The following MEGF8 variants were observed in gnomAD, a reference collection of about 807,000 sequenced individuals.
MEGF8 encodes multiple EGF like domains 8, also known as multiple epidermal growth factor-like domains protein 8.
Under a neutral mutation model 302.9 loss-of-function variants are expected in MEGF8, and 156 were observed. The ratio of observed to expected loss-of-function variants is 0.52; its 90% CI spans 0.45 to 0.59. The LOEUF is 0.59. MEGF8 is among the 20% of genes least tolerant of loss of function. MEGF8 has a pLI of 0.00. For missense variants in MEGF8, 3,345 were observed against 3,964.5 expected (o/e 0.84, Z 4.20); for synonymous variants, 1,621 against 1,660.5 (o/e 0.98, Z 0.58).
chr19:42,372,171 C>T (rs557895498), intron 41 of MEGF8, among the ~76,000 whole-genome samples: 6 of 152,216 alleles, frequency 3.9e-5, no homozygotes, highest in East Asian at 3.9e-4. Context: ...TGGCTATATC[C>T]GGGTGCTCAC....
intron 2 of MEGF8, 49 bp from the exon 3 acceptor site, chr19:42,333,958 A>G: frequency 8.2e-6 from 13 of 1,576,678 alleles, no homozygotes; most frequent in Non-Finnish European, 1.0e-5. Context: ...CCCTCCCAGG[A>G]CAATCCCCAG....
At chr19:42,367,275 G>A (rs1250544057) in intron 35 of MEGF8, among the ~76,000 whole-genome samples, 1 of 150,732 alleles carries the variant, frequency 6.6e-6, no homozygotes, top group Non-Finnish European at 1.5e-5. Context: ...TCTTTTTCTT[G>A]TCTTTTCTTT....
At position 42,352,465 on chromosome 19, in the gene MEGF8, G is replaced by A. The variant is rs778896597; in HGVS notation, c.3350+9G>A. The A allele has an allele frequency of 3.2e-6, 5 of 1,578,028 alleles. No individual in the cohort carries two copies. The highest frequency in any genetic ancestry group is 2.6e-6 in the Non-Finnish European group (3 of 1,158,088). Reference sequence around the variant, plus strand: ...TCACACTGCAACCGCACGTGAGTGAGGCGGGGGTTGCTATGGAGATGTTGC... The same window carrying A: ...TCACACTGCAACCGCACGTGAGTGAAGCGGGGGTTGCTATGGAGATGTTGC... On this transcript the variant is annotated intron_variant, in intron 19 of 41. Transcript: ENST00000251268. The surrounding 1 kb of genome is among the most constrained non-coding windows in gnomAD (Gnocchi z 4.4).
intron 35 of MEGF8, among the ~76,000 whole-genome samples, chr19:42,366,283 C>T (rs1304972678): frequency 1.3e-5 from 2 of 152,246 alleles, no homozygotes; most frequent in East Asian, 3.9e-4. Flanking sequence ...TCACTGCAGT[C>T]TCCACCTTCC....
At position 42,353,521 on chromosome 19, in the gene MEGF8, A is replaced by G; in HGVS notation, c.3607A>G (p.Thr1203Ala). 2 of 1,609,718 alleles carry G rather than the reference A, an allele frequency of 1.2e-6. No individual in the cohort carries two copies. The highest frequency in any genetic ancestry group is 1.7e-6 in the Non-Finnish European group (2 of 1,178,784). Residue 1203 changes from threonine (T) to alanine (A), a missense_variant, in exon 21 of 42, where the codon ACA becomes GCA. By Grantham distance (58) the Thr-to-Ala change is moderately conservative. Transcript: ENST00000251268. This position sits in a 1 kb window ranked among gnomAD's most constrained non-coding sequence, Gnocchi z 6.1. ...RCRPGSFGNA[T>A]GSRGCRPCQC... ...CCGGCCCGGCAGCTTCGGCAACGCC[A>G]CAGGCTCTAGGGGCTGCCGGCCCTG... is the stretch of plus-strand genomic sequence containing the variant.
chr19:42,367,989 A>C (rs986018033), intron 35 of MEGF8, among the ~76,000 whole-genome samples: 2 of 152,094 alleles, frequency 1.3e-5, no homozygotes, highest in African/African-American at 4.8e-5. Context: ...TGGTGCAGTC[A>C]TGACTCATTG....
intron 35 of MEGF8, 62 bp downstream of exon 35, chr19:42,363,324 G>A (rs1031383054): frequency 2.2e-5 from 30 of 1,393,180 alleles, no homozygotes; most frequent in African/African-American, 1.3e-4. Context: ...TCCTCTCTGC[G>A]CTGGCAGGGA....
intron 31 of MEGF8, among the ~76,000 whole-genome samples, chr19:42,360,272 C>G (rs368338081): frequency 1.3e-5 from 2 of 150,224 alleles, no homozygotes; most frequent in African/African-American, 4.9e-5. Context: ...CCTTTGTTGT[C>G]TGCTTGTGTC....
Position 42,375,064 on chromosome 19 carries a change from G to A in MEGF8, c.7270-443G>A, listed in dbSNP as rs1301640997. Among the ~76,000 whole-genome samples the A allele has an allele frequency of 2.6e-5, 4 of 152,220 alleles. No homozygotes were observed. Among genetic ancestry groups the A allele is most frequent in the Non-Finnish European group, 5.9e-5 (4 of 68,036 alleles). On this transcript the variant is annotated intron_variant, in intron 41 of 41. Coordinates refer to ENST00000251268, the MANE Select transcript of MEGF8 (RefSeq NM_001271938.2). The surrounding 1 kb of genome is among the most constrained non-coding windows in gnomAD (Gnocchi z 7.1). ...GCGAGGCTGGCTGACCCTGCGCCGA[G>A]TGCCATGCACATGATCTCAGTGGTC...
Position 42,375,747 on chromosome 19 carries a change from G to A in MEGF8, c.7510G>A (p.Val2504Ile), listed in dbSNP as rs772871276. The change falls in exon 42 of 42, where the codon GTC (valine) becomes ATC (isoleucine). Residue 2504 changes from valine to isoleucine, a missense_variant. Physicochemically the swap from Val to Ile is conservative, Grantham distance 29. Coordinates refer to ENST00000251268, the MANE Select transcript of MEGF8 (RefSeq NM_001271938.2). This position sits in a 1 kb window ranked among gnomAD's most constrained non-coding sequence, Gnocchi z 7.1. ...DVTFGAVDLY[V>I]STSYDTFVVR... Reference sequence around the variant, plus strand: ...GACCTTCGGGGCCGTGGACCTCTATGTCTCCACCTCCTATGACACCTTCGT... The same window carrying A: ...GACCTTCGGGGCCGTGGACCTCTATATCTCCACCTCCTATGACACCTTCGT... 1.2e-6 allele frequency: 2 copies of A among 1,612,844 alleles called. No individual in the cohort carries two copies. Among genetic ancestry groups the A allele is most frequent in the Non-Finnish European group, 1.7e-6 (2 of 1,179,712 alleles).
chr19:42,367,535 G>A (rs1002955954), intron 35 of MEGF8, among the ~76,000 whole-genome samples: 5 of 152,072 alleles, frequency 3.3e-5, no homozygotes, highest in East Asian at 1.9e-4. Context: ...TGATCCGCCC[G>A]CCTCGGCCTC....
Position 42,358,313 on chromosome 19 carries a change from GA to G in MEGF8, c.5175+10del. 1 of 1,597,858 alleles carries G rather than the reference GA, an allele frequency of 6.3e-7. No individual in the cohort carries two copies. The highest frequency in any genetic ancestry group is 1.7e-5 in the Admixed American group (1 of 57,910). On this transcript the variant is annotated splice_region_variant and intron_variant, in intron 29 of 41. Coordinates refer to ENST00000251268, the MANE Select transcript of MEGF8 (RefSeq NM_001271938.2). The surrounding 1 kb of genome is among the most constrained non-coding windows in gnomAD (Gnocchi z 4.4). ...CCCCTTCTCAGGGGGCAAAGGTCAG[GA>G]AAAGAGGCTCAGACCCAAGGATGTA...
In MEGF8 at chr19:42,370,805, C is replaced by T; in HGVS notation, c.7110C>T (p.Tyr2370=). ...GEKCESCLQG[Y]FLLDGKCTKC... The stretch of plus-strand genomic sequence containing the variant: ...AATGCGAGAGCTGCCTGCAGGGCTA[C>T]TTCCTCCTGGACGGGAAGTGCACCA... Residue 2370 remains tyrosine (Y), a synonymous_variant, in exon 40 of 42, where the codon TAC becomes TAT. Coordinates refer to ENST00000251268, the MANE Select transcript of MEGF8 (RefSeq NM_001271938.2). The T allele has an allele frequency of 1.6e-6, 2 of 1,281,250 alleles. No homozygotes were observed. The highest frequency in any genetic ancestry group is 2.2e-6 in the Non-Finnish European group (2 of 916,170). 79.4% of individuals were successfully genotyped at this position (1,281,250 alleles called of 1,614,324 possible).
At chr19:42,329,821 G>A (rs372374688) in intron 1 of MEGF8, among the ~76,000 whole-genome samples, 1 of 151,040 alleles carries the variant, frequency 6.6e-6, no homozygotes, top group Non-Finnish European at 1.5e-5. Flanking sequence ...TCAGTGAGCC[G>A]AGATTGCGCT....
chr19:42,330,394 C>T (rs1600005986), intron 1 of MEGF8, among the ~76,000 whole-genome samples: 1 of 152,274 alleles, frequency 6.6e-6, no homozygotes, highest in East Asian at 1.9e-4. Flanking sequence ...CTCCAGCAGG[C>T]ACTTAACAAA....
In MEGF8 at chr19:42,344,178, T is replaced by C; in HGVS notation, c.1788+105T>C. ...AAGAACTTTCCCTCAACTGGGAGAC[T>C]TGTTTTCATGCCGGAGATCCTCCTT... On this transcript the variant is annotated intron_variant, in intron 10 of 41. Coordinates refer to ENST00000251268, the MANE Select transcript of MEGF8 (RefSeq NM_001271938.2). The surrounding 1 kb of genome is among the most constrained non-coding windows in gnomAD (Gnocchi z 4.5). 1.4e-6 allele frequency: 2 copies of C among 1,434,134 alleles called. No individual in the cohort carries two copies. The highest frequency in any genetic ancestry group is 1.4e-5 in the African/African-American group (1 of 70,142). 88.8% of individuals were successfully genotyped at this position (1,434,134 alleles called of 1,614,324 possible).
At chr19:42,332,059 GT>G (rs1275925478) in intron 1 of MEGF8, among the ~76,000 whole-genome samples, 1 of 152,050 alleles carries the variant, frequency 6.6e-6, no homozygotes, top group East Asian at 1.9e-4. Flanking sequence ...GTTTCACCAT[GT>G]TGGCCAGGCT....
At position 42,360,955 on chromosome 19, in the gene MEGF8, G is replaced by A. The variant is rs772567593; in HGVS notation, c.5669G>A (p.Gly1890Glu). The change falls in exon 32 of 42, where the codon GGG (glycine) becomes GAG (glutamate). Residue 1890 changes from glycine (G) to glutamate (E), a missense_variant. Coordinates refer to ENST00000251268, the MANE Select transcript of MEGF8 (RefSeq NM_001271938.2). Reference protein sequence around the residue: ...LSSPEACNQSGACTWCHGACL... With the variant: ...LSSPEACNQSEACTWCHGACL... ...TCACCTGAAGCTTGTAACCAGTCTG[G>A]GGCCTGCACCTGGTGCCATGGGGCC... 4 of 1,591,292 alleles carry A rather than the reference G, an allele frequency of 2.5e-6. No individual in the cohort carries two copies. In the African/African-American group the frequency reaches 4.0e-5, roughly 16 times the overall value.
chr19:42,356,513 A>G lies in MEGF8; in HGVS notation c.4622+60A>G. 1 of 1,336,344 alleles carries G rather than the reference A, an allele frequency of 7.5e-7. No individual in the cohort carries two copies. Among genetic ancestry groups the G allele is most frequent in the South Asian group, 1.4e-5 (1 of 69,258 alleles). The allele number at this position is 1,336,344 out of a possible 1,614,324, so 82.8% of individuals were successfully genotyped here. A position where few individuals can be genotyped will look rare whatever the true frequency, so the allele number is the denominator to read the frequency against. On this transcript the variant is annotated intron_variant, in intron 26 of 41. Transcript: ENST00000251268. The surrounding 1 kb of genome is among the most constrained non-coding windows in gnomAD (Gnocchi z 5.2). Reference sequence around the variant, plus strand: ...TAAGAGAAGGTCACCTCGGGATGCTAAGAGTCACCTCAGAGGAGTGCAGAA... The same window carrying G: ...TAAGAGAAGGTCACCTCGGGATGCTGAGAGTCACCTCAGAGGAGTGCAGAA...
Sources: gnomAD v4.1 joint callset for allele counts (sites outside exome capture counted in the v4.1 genomes callset) on GRCh38, gnomAD v4.1.1 for gene constraint, Gnocchi (gnomAD v3.1) non-coding constraint, MANE v1.5 for transcripts, NCBI Gene and HGNC (gene_info 2026-07-23, HGNC 2026-07-21) for gene names.